The following TAFA1 variants were observed in gnomAD, a reference collection of about 807,000 sequenced individuals.
TAFA1 encodes the protein chemokine-like protein TAFA-1.
TAFA1 carries 4 observed loss-of-function variants against 18.5 expected under a neutral mutation model. The ratio of observed to expected loss-of-function variants is 0.22; its 90% CI spans 0.11 to 0.49. The LOEUF (loss-of-function observed/expected upper bound fraction) is 0.49. Among genes scored for constraint, TAFA1 ranks in the 20% least tolerant of loss-of-function variants. The probability of loss-of-function intolerance (pLI) is 0.98; values close to 1 mark genes in which losing one functional copy is unlikely to be tolerated. For missense variants in TAFA1, 147 were observed against 169.0 expected (o/e 0.87, Z 0.72); for synonymous variants, 56 against 55.2 (o/e 1.01, Z -0.06).
At chr3:68,506,594 G>T (rs560034716) in intron 3 of TAFA1, among the ~76,000 whole-genome samples, 1 of 152,076 alleles carries the variant, frequency 6.6e-6, no homozygotes, top group Non-Finnish European at 1.5e-5. Context: ...TGCTCCACTG[G>T]TATGCATTTG....
At chr3:68,427,530 G>C (rs555444024) in intron 3 of TAFA1, among the ~76,000 whole-genome samples, 1 of 151,894 alleles carries the variant, frequency 6.6e-6, no homozygotes, top group Non-Finnish European at 1.5e-5. Context: ...TAAGGAAGTA[G>C]TAAAACTTGT....
intron 2 of TAFA1, among the ~76,000 whole-genome samples, chr3:68,272,703 C>T (rs1307760853): frequency 6.6e-6 from 1 of 152,122 alleles, no homozygotes; most frequent in African/African-American, 2.4e-5. Flanking sequence ...ATCTAAAATT[C>T]TCAGGAAAAC....
intron 2 of TAFA1, among the ~76,000 whole-genome samples, chr3:68,052,540 C>A (rs2064483896): frequency 6.6e-6 from 1 of 152,198 alleles, no homozygotes; most frequent in Admixed American, 6.5e-5. Flanking sequence ...AGCTCTTGAT[C>A]AGCGAACAAC....
chr3:68,513,045 G>A (rs1217836220), intron 3 of TAFA1, among the ~76,000 whole-genome samples: 2 of 152,086 alleles, frequency 1.3e-5, no homozygotes, highest in African/African-American at 4.8e-5. Context: ...AGAATCTGAG[G>A]CTCATTAACA....
At chr3:68,491,820 G>A (rs2072459242) in intron 3 of TAFA1, among the ~76,000 whole-genome samples, 1 of 152,132 alleles carries the variant, frequency 6.6e-6, no homozygotes, top group Admixed American at 6.6e-5. Context: ...ATGGGAAATA[G>A]TTAAAAATAT....
intron 2 of TAFA1, among the ~76,000 whole-genome samples, chr3:68,113,529 T>C (rs2065284793): frequency 6.6e-6 from 1 of 152,220 alleles, no homozygotes; most frequent in African/African-American, 2.4e-5. Context: ...CTCAATATTA[T>C]TCATTAATGT....
At chr3:68,029,250 A>G in intron 2 of TAFA1, among the ~76,000 whole-genome samples, 1 of 152,214 alleles carries the variant, frequency 6.6e-6, no homozygotes, top group Non-Finnish European at 1.5e-5. Flanking sequence ...CTATCAGCCC[A>G]CTACAATTAT....
At chr3:68,172,771 G>A (rs4640570) in intron 2 of TAFA1, among the ~76,000 whole-genome samples, 100,251 of 151,972 alleles carry the variant, frequency 0.66, 33,890 homozygotes, top group South Asian at 0.78. Context: ...AGTCACCAAA[G>A]GGCGCATAAT....
intron 2 of TAFA1, among the ~76,000 whole-genome samples, chr3:68,290,337 T>G (rs2068084547): frequency 6.6e-6 from 1 of 152,170 alleles, no homozygotes. Flanking sequence ...CATGTTAACA[T>G]GTAAAACACT....
chr3:68,137,471 G>C (rs1318556971), intron 2 of TAFA1, among the ~76,000 whole-genome samples: 1 of 152,192 alleles, frequency 6.6e-6, no homozygotes, highest in Admixed American at 6.5e-5. Context: ...GCAGTAAGAA[G>C]TGGGACCGTG....
At chr3:68,401,770 T>G (rs1168747331) in intron 2 of TAFA1, among the ~76,000 whole-genome samples, 1 of 152,158 alleles carries the variant, frequency 6.6e-6, no homozygotes, top group East Asian at 1.9e-4. Flanking sequence ...TTCAGTCTTG[T>G]GCCCTCTCTT....
intron 2 of TAFA1, among the ~76,000 whole-genome samples, chr3:68,227,196 T>G (rs751550263): frequency 2.0e-5 from 3 of 152,202 alleles, no homozygotes; most frequent in Admixed American, 6.5e-5. Flanking sequence ...TATGCAAATA[T>G]TCACATAAAA....
chr3:68,211,249 T>A (rs1281664078), intron 2 of TAFA1, among the ~76,000 whole-genome samples: 1 of 152,034 alleles, frequency 6.6e-6, no homozygotes, highest in Non-Finnish European at 1.5e-5. Flanking sequence ...GTGGCAATAA[T>A]CACTGGTGCC....
chr3:68,272,301 C>T (rs1472464846), intron 2 of TAFA1, among the ~76,000 whole-genome samples: 1 of 152,184 alleles, frequency 6.6e-6, no homozygotes, highest in Non-Finnish European at 1.5e-5. Flanking sequence ...TGTTCTCTTG[C>T]TTGGCCTTTT....
At chr3:68,339,551 T>A (rs1422653491) in intron 2 of TAFA1, among the ~76,000 whole-genome samples, 1 of 152,236 alleles carries the variant, frequency 6.6e-6, no homozygotes, top group Non-Finnish European at 1.5e-5. Flanking sequence ...AAAAAGTTTA[T>A]TAAAAGCTCT....
intron 2 of TAFA1, among the ~76,000 whole-genome samples, chr3:68,376,912 G>C (rs1167686541): frequency 6.6e-6 from 1 of 152,058 alleles, no homozygotes; most frequent in Non-Finnish European, 1.5e-5. Context: ...TTCTCATGAG[G>C]TCTGATGGTT....
At chr3:68,049,257 C>T (rs951365448) in intron 2 of TAFA1, among the ~76,000 whole-genome samples, 1 of 152,090 alleles carries the variant, frequency 6.6e-6, no homozygotes, top group Admixed American at 6.6e-5. Context: ...TCTTTGCCTA[C>T]GGTGTCTAGA....
At position 68,195,656 on chromosome 3, in the gene TAFA1, G is replaced by A. The variant is rs748497667; in HGVS notation, c.118+188912G>A. Among the ~76,000 whole-genome samples, 27 of 151,550 alleles carry A rather than the reference G, an allele frequency of 1.8e-4. 1 individual carries two copies. The highest frequency in any genetic ancestry group is 3.2e-4 in the Non-Finnish European group (22 of 67,750). On this transcript the variant is annotated intron_variant, in intron 2 of 4. Coordinates refer to ENST00000478136, the MANE Select transcript of TAFA1 (RefSeq NM_213609.4). ...GACACCCATAGCAGAAAGTTATTCA[G>A]CCCAACTTGTCCACCATGTTAAGGC...
intron 2 of TAFA1, among the ~76,000 whole-genome samples, chr3:68,009,019 T>C (rs1352849085): frequency 6.6e-6 from 1 of 152,234 alleles, no homozygotes; most frequent in Non-Finnish European, 1.5e-5. Context: ...GAATTACTGA[T>C]GTCCCCCCTT....
Sources: gnomAD v4.1 joint callset for allele counts (sites outside exome capture counted in the v4.1 genomes callset) on GRCh38, gnomAD v4.1.1 for gene constraint, MANE v1.5 for transcripts, NCBI Gene and HGNC (gene_info 2026-07-23, HGNC 2026-07-21) for gene names.